Variants in MREG observed in about 807,000 individuals in gnomAD.
The protein encoded by MREG is melanoregulin, also known as dilute suppressor protein homolog.
MREG carries 31 observed loss-of-function variants against 28.5 expected under a neutral mutation model. That is an observed-to-expected ratio of 1.09 (90% confidence interval 0.82 to 1.47). The LOEUF (loss-of-function observed/expected upper bound fraction) is 1.47. Among genes scored for constraint, MREG ranks in the 40% most tolerant of loss-of-function variants. The probability of loss-of-function intolerance (pLI) is 0.00; values close to 1 mark genes in which losing one functional copy is unlikely to be tolerated. For missense variants in MREG, 256 were observed against 257.4 expected (o/e 0.99, Z 0.04); for synonymous variants, 106 against 95.2 (o/e 1.11, Z -0.66).
chr2:216,005,056 G>A (rs1694113234), intron 1 of MREG, among the ~76,000 whole-genome samples: 1 of 152,100 alleles, frequency 6.6e-6, no homozygotes, highest in African/African-American at 2.4e-5. Flanking sequence ...GTATGACTGA[G>A]AGATGAATAA....
chr2:215,975,311 C>A (rs1456675988), intron 2 of MREG, among the ~76,000 whole-genome samples: 3 of 152,072 alleles, frequency 2.0e-5, no homozygotes, highest in African/African-American at 7.2e-5. Context: ...ATGTACTTAA[C>A]CAGTACTTTC....
intron 2 of MREG, among the ~76,000 whole-genome samples, chr2:215,983,697 A>C (rs1196195252): frequency 6.6e-6 from 1 of 152,186 alleles, no homozygotes; most frequent in Non-Finnish European, 1.5e-5. Flanking sequence ...TGTAGTTTTA[A>C]AAAAATAAAA....
In MREG at chr2:215,968,301, T is replaced by C. The variant is rs140587691; in HGVS notation, c.256-21188A>G. Among the ~76,000 whole-genome samples the C allele has an allele frequency of 5.3e-4, 80 of 152,260 alleles. 1 individual carries two copies. The East Asian group carries it at 0.014, about 27-fold the overall frequency. On this transcript the variant is annotated intron_variant, in intron 2 of 4. Coordinates refer to ENST00000263268, the MANE Select transcript of MREG (RefSeq NM_018000.3). The stretch of plus-strand genomic sequence containing the variant: ...CATCTGTTTTACTTTTCACCACTCA[T>C]TACCACAGCATCAGGTAACAGAGTA...
At chr2:215,971,657 C>A (rs1414142318) in intron 2 of MREG, among the ~76,000 whole-genome samples, 6 of 152,274 alleles carry the variant, frequency 3.9e-5, no homozygotes, top group African/African-American at 1.4e-4. Context: ...GTAGAATATC[C>A]TGGACAAGCT....
intron 2 of MREG, 33 bp downstream of exon 2, chr2:215,996,273 T>C: frequency 1.2e-6 from 2 of 1,601,438 alleles, no homozygotes; most frequent in South Asian, 1.1e-5. Flanking sequence ...TATAGCATCA[T>C]CCGCGCACAG....
intron 1 of MREG, among the ~76,000 whole-genome samples, chr2:216,030,940 TCTCTCTCTCTCTCTCTCACACACACA>T (rs756227136): frequency 8.3e-5 from 6 of 72,422 alleles, no homozygotes; most frequent in South Asian, 4.3e-4. Flanking sequence ...TCTCTCTCTC[TCTCTCTCTCTCTCTCTCACACACACA>T]CACACACACA....
chr2:215,971,103 G>A (rs1305250282), intron 2 of MREG, among the ~76,000 whole-genome samples: 1 of 151,996 alleles, frequency 6.6e-6, no homozygotes, highest in South Asian at 2.1e-4. Context: ...ACACGAACAT[G>A]GGGGTGGGGA....
chr2:216,003,369 C>T (rs896622191), intron 1 of MREG, among the ~76,000 whole-genome samples: 1 of 152,150 alleles, frequency 6.6e-6, no homozygotes, highest in Non-Finnish European at 1.5e-5. Flanking sequence ...CTGTGCCCTG[C>T]TTTCAAGGCT....
intron 2 of MREG, among the ~76,000 whole-genome samples, chr2:215,960,329 C>T (rs541009421): frequency 9.2e-4 from 140 of 152,246 alleles, no homozygotes; most frequent in Non-Finnish European, 1.8e-4. Context: ...CCACAAGAAC[C>T]GGGATTCGCC....
intron 1 of MREG, among the ~76,000 whole-genome samples, chr2:216,007,235 A>G (rs77373116): frequency 0.033 from 4,954 of 152,166 alleles, 106 homozygotes; most frequent in Non-Finnish European, 0.049. Flanking sequence ...CCCCAAAATC[A>G]ATACTAGTGA....
chr2:215,966,105 T>G (rs1378208817), intron 2 of MREG, among the ~76,000 whole-genome samples: 6 of 152,210 alleles, frequency 3.9e-5, no homozygotes, highest in Admixed American at 3.3e-4. Context: ...ACACCTTACT[T>G]AGACCCATTT....
chr2:216,003,933 G>T (rs1694087325), intron 1 of MREG, among the ~76,000 whole-genome samples: 2 of 152,194 alleles, frequency 1.3e-5, no homozygotes, highest in African/African-American at 4.8e-5. Context: ...CAGCCAAAGT[G>T]ATCCTTTTAA....
At chr2:216,013,919 T>TA (rs1694385646), upstream of MREG, among the ~76,000 whole-genome samples, 2 of 151,256 alleles carry the variant, frequency 1.3e-5, 1 homozygote, top group South Asian at 4.2e-4. Flanking sequence ...CGGCGTAGGG[T>TA]TTTTTTTTAA....
At chr2:216,011,446 A>G (rs1045665820) in intron 1 of MREG, among the ~76,000 whole-genome samples, 4 of 152,220 alleles carry the variant, frequency 2.6e-5, no homozygotes. Flanking sequence ...ACTCTATACT[A>G]AGCACTTTAT....
intron 1 of MREG, among the ~76,000 whole-genome samples, chr2:216,000,551 G>A (rs1693990639): frequency 6.6e-6 from 1 of 151,930 alleles, no homozygotes; most frequent in Non-Finnish European, 1.5e-5. Flanking sequence ...TCCTGGCATT[G>A]GTCTTCCATC....
chr2:215,977,292 C>T (rs1005281295), intron 2 of MREG, among the ~76,000 whole-genome samples: 2 of 152,212 alleles, frequency 1.3e-5, no homozygotes, highest in Non-Finnish European at 2.9e-5. Flanking sequence ...AAGGCTATTA[C>T]ATAATGGTAA....
In MREG at chr2:215,996,445, G is replaced by T; in HGVS notation, c.116C>A (p.Ser39Ter). Reference protein sequence around the residue: ...PLVSDNNPYSSFGATLVRDDE... With the variant: ...PLVSDNNPYS The stretch of plus-strand genomic sequence containing the variant: ...ATCCCTCACCAGAGTTGCTCCAAAT[G>T]AGGAATATGGATTGTTATCACTGTT... The change falls in exon 2 of 5, where the codon TCA (serine) becomes TAA (stop). Residue 39 changes from serine to a stop codon, truncating the protein, a stop_gained. Coordinates refer to ENST00000263268, the MANE Select transcript of MREG (RefSeq NM_018000.3). LOFTEE classifies it high-confidence loss of function. 1 of 1,612,242 alleles carries T rather than the reference G, an allele frequency of 6.2e-7. No homozygotes were observed. The highest frequency in any genetic ancestry group is 8.5e-7 in the Non-Finnish European group (1 of 1,179,156).
chr2:215,979,966 A>C (rs532101156), intron 2 of MREG, among the ~76,000 whole-genome samples: 5 of 90,180 alleles, frequency 5.5e-5, no homozygotes, highest in Admixed American at 1.5e-4. Context: ...AGATGTGAAA[A>C]AAACAAACAA....
chr2:216,000,670 C>T (rs539852915), intron 1 of MREG, among the ~76,000 whole-genome samples: 1 of 152,296 alleles, frequency 6.6e-6, no homozygotes, highest in South Asian at 2.1e-4. Context: ...ACATTTCTTC[C>T]CCACATCACC....
Sources: gnomAD v4.1 joint callset for allele counts (sites outside exome capture counted in the v4.1 genomes callset) on GRCh38, gnomAD v4.1.1 for gene constraint, MANE v1.5 for transcripts, NCBI Gene and HGNC (gene_info 2026-07-23, HGNC 2026-07-21) for gene names.